The following MECOM variants were observed in gnomAD, a reference collection of about 807,000 sequenced individuals.
The protein encoded by MECOM is histone-lysine N-methyltransferase MECOM.
MECOM carries 13 observed loss-of-function variants against 116.3 expected under a neutral mutation model. The ratio of observed to expected loss-of-function variants is 0.11; its 90% CI spans 0.07 to 0.18. The LOEUF is 0.18. Among genes scored for constraint, MECOM ranks in the 10% least tolerant of loss-of-function variants. The pLI is 1.00. For synonymous variants in MECOM, 528 were observed against 535.2 expected (o/e 0.99, Z 0.19); for missense variants, 1,299 against 1,509.0 (o/e 0.86, Z 2.31).
chr3:169,296,387 C>T (rs997404253), intron 2 of MECOM, among the ~76,000 whole-genome samples: 1 of 152,116 alleles, frequency 6.6e-6, no homozygotes, highest in Non-Finnish European at 1.5e-5. Flanking sequence ...GGCTGGTGGA[C>T]GCAGAAGGAA....
chr3:169,238,863 T>G (rs572305896), intron 2 of MECOM, among the ~76,000 whole-genome samples: 1 of 152,196 alleles, frequency 6.6e-6, no homozygotes, highest in African/African-American at 2.4e-5. Flanking sequence ...TAACAAAAGA[T>G]TATAAACTAA....
intron 1 of MECOM, among the ~76,000 whole-genome samples, chr3:169,474,755 T>C (rs1471773868): frequency 1.3e-5 from 2 of 152,122 alleles, no homozygotes; most frequent in Non-Finnish European, 2.9e-5. Flanking sequence ...CAATGTGGAT[T>C]AATATTTGCC....
chr3:169,191,281 C>T (rs1747502272), intron 2 of MECOM, among the ~76,000 whole-genome samples: 1 of 151,954 alleles, frequency 6.6e-6, no homozygotes, highest in Non-Finnish European at 1.5e-5. Context: ...TGGCACTTAT[C>T]ATCTGCTGGT....
rs189561990 is a variant in MECOM, at chr3:169,580,139, T to C, written c.37+83197A>G. ...TGCCACTTTATTAGTAGACTATTTG[T>C]CTATATTTTGAAGTGCAGAAATTGA... On this transcript the variant is annotated intron_variant, in intron 1 of 16. Transcript: ENST00000651503. 2.0e-5 allele frequency among the ~76,000 whole-genome samples: 3 copies of C among 152,342 alleles called. No individual in the cohort carries two copies. In the East Asian group the frequency reaches 5.8e-4, roughly 29 times the overall value.
Position 169,310,441 on chromosome 3 carries a change from G to A in MECOM, c.375+70746C>T, listed in dbSNP as rs1177352999. 5.3e-5 allele frequency among the ~76,000 whole-genome samples: 8 copies of A among 152,172 alleles called. No homozygotes were observed. In the South Asian group the frequency reaches 1.7e-3, roughly 32 times the overall value. On this transcript the variant is annotated intron_variant, in intron 2 of 16. Coordinates refer to ENST00000651503, the MANE Select transcript of MECOM (RefSeq NM_004991.4). Reference sequence around the variant, plus strand: ...ACCTAATAGTTTTATAGCAAATTGTGTCATCAAACAGGTTAATCTTTCAAA... The same window carrying A: ...ACCTAATAGTTTTATAGCAAATTGTATCATCAAACAGGTTAATCTTTCAAA...
intron 1 of MECOM, among the ~76,000 whole-genome samples, chr3:169,437,383 C>T (rs1280220852): frequency 3.9e-5 from 6 of 152,088 alleles, no homozygotes; most frequent in East Asian, 1.9e-4. Context: ...TATTGTTAAA[C>T]GTATAGGAGA....
intron 1 of MECOM, among the ~76,000 whole-genome samples, chr3:169,471,966 G>C (rs1274962762): frequency 6.6e-6 from 1 of 152,014 alleles, no homozygotes; most frequent in East Asian, 1.9e-4. Flanking sequence ...AAGATCTTTA[G>C]CTGTGTAGAC....
chr3:169,600,528 T>C (rs1367022933), intron 1 of MECOM, among the ~76,000 whole-genome samples: 1 of 152,144 alleles, frequency 6.6e-6, no homozygotes, highest in Non-Finnish European at 1.5e-5. Flanking sequence ...GAAACACCAG[T>C]TACCCAGGGG....
intron 2 of MECOM, among the ~76,000 whole-genome samples, chr3:169,198,885 A>G (rs1476210826): frequency 6.6e-6 from 1 of 152,006 alleles, no homozygotes; most frequent in Non-Finnish European, 1.5e-5. Context: ...ATTTGGGAAG[A>G]GCAGTCAGGA....
In MECOM at chr3:169,240,127, T is replaced by C. The variant is rs904574130; in HGVS notation, c.376-96295A>G. 3.3e-5 allele frequency among the ~76,000 whole-genome samples: 5 copies of C among 152,226 alleles called. No individual in the cohort carries two copies. In the South Asian group the frequency reaches 8.3e-4, roughly 25 times the overall value. ...TATCTAGAAACTGGTTTTATGATTATAGAATGTCTGAATACCATCTATCTC... is the reference window on the plus strand; with the variant it reads ...TATCTAGAAACTGGTTTTATGATTACAGAATGTCTGAATACCATCTATCTC... On this transcript the variant is annotated intron_variant, in intron 2 of 16. Coordinates refer to ENST00000651503, the MANE Select transcript of MECOM (RefSeq NM_004991.4).
chr3:169,121,899 A>G (rs1731162234), intron 6 of MECOM, among the ~76,000 whole-genome samples: 1 of 151,752 alleles, frequency 6.6e-6, no homozygotes, highest in African/African-American at 2.4e-5. Flanking sequence ...TTGGCATGAA[A>G]AAAAAAAAGC....
intron 1 of MECOM, among the ~76,000 whole-genome samples, chr3:169,586,748 G>C (rs1367741631): frequency 6.6e-6 from 1 of 152,142 alleles, no homozygotes; most frequent in African/African-American, 2.4e-5. Context: ...AGATCTCTAT[G>C]TCTACCTTAC....
intron 1 of MECOM, among the ~76,000 whole-genome samples, chr3:169,415,820 G>A (rs1463332344): frequency 3.3e-5 from 5 of 152,044 alleles, no homozygotes; most frequent in Non-Finnish European, 7.4e-5. Flanking sequence ...AACAAGAAGA[G>A]CTAACTATCC....
chr3:169,244,123 C>T (rs1188060306), intron 2 of MECOM, among the ~76,000 whole-genome samples: 1 of 152,238 alleles, frequency 6.6e-6, no homozygotes, highest in African/African-American at 2.4e-5. Context: ...CTCCACAACT[C>T]TCCTAACTGT....
At chr3:169,584,196 G>C (rs1212739150) in intron 1 of MECOM, among the ~76,000 whole-genome samples, 5 of 152,132 alleles carry the variant, frequency 3.3e-5, no homozygotes, top group Non-Finnish European at 7.4e-5. Context: ...AACATTAAAA[G>C]ACAGTAATAG....
chr3:169,621,548 G>A (rs1274765244), intron 1 of MECOM, among the ~76,000 whole-genome samples: 1 of 152,192 alleles, frequency 6.6e-6, no homozygotes, highest in African/African-American at 2.4e-5. Flanking sequence ...CCTGAGGTCA[G>A]GAGTTCAAGA....
intron 2 of MECOM, chr3:169,145,585 A>T (rs1739639362): frequency 4.4e-6 from 1 of 224,878 alleles, no homozygotes; most frequent in Non-Finnish European, 8.9e-6. Context: ...CACACCAAAG[A>T]AATATTTAAT....
chr3:169,089,652 A>T (rs1719012629), intron 15 of MECOM, among the ~76,000 whole-genome samples: 1 of 152,136 alleles, frequency 6.6e-6, no homozygotes, highest in African/African-American at 2.4e-5. Context: ...TTAACTGATG[A>T]CCATGCCAGA....
At chr3:169,590,066 G>C (rs565021294) in intron 1 of MECOM, among the ~76,000 whole-genome samples, 1 of 152,258 alleles carries the variant, frequency 6.6e-6, no homozygotes, top group East Asian at 1.9e-4. Context: ...TTCCACATCT[G>C]GACAAGAGGC....
Sources: allele counts gnomAD v4.1 joint callset (sites outside exome capture counted in the v4.1 genomes callset), GRCh38; gene constraint gnomAD v4.1.1; transcripts MANE v1.5; gene names NCBI Gene and HGNC (gene_info 2026-07-23, HGNC 2026-07-21).